ST6GAL1: variants seen among roughly 807,000 people sequenced by gnomAD.
ST6GAL1 encodes the protein ST6 beta-galactoside alpha-2,6-sialyltransferase 1.
Under a neutral mutation model 38.0 loss-of-function variants are expected in ST6GAL1, and 20 were observed. The observed-to-expected ratio is 0.53, with a 90% CI of 0.37 to 0.77. ST6GAL1 has a LOEUF of 0.77. Among genes scored for constraint, ST6GAL1 ranks in the 30% least tolerant of loss-of-function variants. ST6GAL1 has a pLI of 0.00. For synonymous variants in ST6GAL1, 196 were observed against 188.2 expected, an observed-to-expected ratio of 1.04 and a Z score of -0.34; for missense variants, 432 against 496.4, an observed-to-expected ratio of 0.87 and a Z score of 1.23.
chr3:186,945,882 T>C (rs111434408), intron 1 of ST6GAL1, among the ~76,000 whole-genome samples: 2 of 149,902 alleles, frequency 1.3e-5, no homozygotes, highest in Admixed American at 6.7e-5. Flanking sequence ...TCTCAGCTAC[T>C]TGGGAGGCTG....
chr3:186,958,783 C>G (rs1226849030), intron 1 of ST6GAL1, among the ~76,000 whole-genome samples: 1 of 151,992 alleles, frequency 6.6e-6, no homozygotes, highest in East Asian at 1.9e-4. Context: ...GAAACCCTGT[C>G]TCTACCAAAA....
rs758630493 is a variant in ST6GAL1, at chr3:187,043,282, G to A, written c.579G>A (p.Leu193=). 28 of 1,613,908 alleles carry A rather than the reference G, an allele frequency of 1.7e-5. No homozygotes were observed. The highest frequency in any genetic ancestry group is 3.3e-5 in the Admixed American group (2 of 60,000). ...RCAVVSSAGS[L]KSSQLGREID... ...CTGTTGTGTCGTCAGCGGGATCTCT[G>A]AAGTCCTCCCAACTAGGCAGAGAAA... Residue 193 remains leucine, a synonymous_variant, in exon 4 of 8, where the codon CTG becomes CTA. Coordinates refer to ENST00000169298, the MANE Select transcript of ST6GAL1 (RefSeq NM_173216.2).
chr3:187,062,030 A>G (rs944330100), intron 5 of ST6GAL1, among the ~76,000 whole-genome samples: 1 of 152,238 alleles, frequency 6.6e-6, no homozygotes, highest in Non-Finnish European at 1.5e-5. Context: ...ACAATAAAAA[A>G]AATCAAATTA....
chr3:186,933,496 C>T (rs544330503), intron 1 of ST6GAL1, among the ~76,000 whole-genome samples: 9 of 152,330 alleles, frequency 5.9e-5, no homozygotes, highest in African/African-American at 2.2e-4. Context: ...GACACACCTG[C>T]ATGGCCGAGC....
rs947793489 is a variant in ST6GAL1, at chr3:186,954,888, G to T, written c.-324-8897G>T. 9.9e-5 allele frequency among the ~76,000 whole-genome samples: 15 copies of T among 152,216 alleles called. 1 individual carries two copies. Among genetic ancestry groups the T allele is most frequent in the African/African-American group, 3.1e-4 (13 of 41,542 alleles). ...TGTTGTAATTGCTTTTGATGATTTT[G>T]TCCTGAAATCTTTGCCTGTGCTGAT... On this transcript the variant is annotated intron_variant, in intron 1 of 7. Transcript: ENST00000169298.
At chr3:186,996,471 AC>A (rs980928404) in intron 2 of ST6GAL1, 6 of 152,150 alleles carry the variant, frequency 3.9e-5, no homozygotes, top group African/African-American at 1.4e-4. Context: ...AAAAATAGGA[AC>A]AGCATACTGT....
In ST6GAL1 at chr3:187,057,965, A is replaced by G. The variant is rs563335571; in HGVS notation, c.705+6619A>G. ...TGGGCTCCACCTACTTCGAGCTTCC[A>G]GGGCTGCTTTGTTTACCTACTCAAG... On this transcript the variant is annotated intron_variant, in intron 5 of 7. Coordinates refer to ENST00000169298, the MANE Select transcript of ST6GAL1 (RefSeq NM_173216.2). Among the ~76,000 whole-genome samples the G allele has an allele frequency of 1.3e-4, 20 of 152,252 alleles. No homozygotes were observed. The East Asian group carries it at 3.5e-3, about 27-fold the overall frequency.
intron 5 of ST6GAL1, among the ~76,000 whole-genome samples, chr3:187,069,931 A>G (rs1391646999): frequency 1.3e-5 from 2 of 152,188 alleles, no homozygotes; most frequent in Admixed American, 6.5e-5. Context: ...GACATTCCAA[A>G]CTTAATATGG....
At chr3:187,055,121 T>C (rs1014918190) in intron 5 of ST6GAL1, among the ~76,000 whole-genome samples, 1 of 152,216 alleles carries the variant, frequency 6.6e-6, no homozygotes, top group Non-Finnish European at 1.5e-5. Context: ...GTAGTTTGTA[T>C]TTCTGTGGGA....
chr3:187,002,368 A>C (rs1485401280), intron 2 of ST6GAL1, among the ~76,000 whole-genome samples: 1 of 152,248 alleles, frequency 6.6e-6, no homozygotes, highest in Non-Finnish European at 1.5e-5. Flanking sequence ...ATAAGGTAAA[A>C]AACATATTCT....
At chr3:187,070,479 C>T (rs1288932660) in intron 5 of ST6GAL1, among the ~76,000 whole-genome samples, 1 of 141,078 alleles carries the variant, frequency 7.1e-6, no homozygotes, top group African/African-American at 2.7e-5. Context: ...GGCTGGAGTG[C>T]AGTGGTGCAA....
At chr3:187,055,084 T>C (rs569377097) in intron 5 of ST6GAL1, among the ~76,000 whole-genome samples, 2 of 152,332 alleles carry the variant, frequency 1.3e-5, no homozygotes, top group African/African-American at 2.4e-5. Context: ...TTTATTTGCA[T>C]AGAGGTGTTT....
intron 5 of ST6GAL1, among the ~76,000 whole-genome samples, chr3:187,066,567 GCA>G (rs1374294807): frequency 6.6e-6 from 1 of 151,370 alleles, no homozygotes; most frequent in African/African-American, 2.4e-5. Flanking sequence ...TCCAAAATAT[GCA>G]CAGTGGTAAT....
chr3:187,072,969 A>G (rs1441406998), intron 6 of ST6GAL1, 22 bp downstream of exon 6: 2 of 1,575,918 alleles, frequency 1.3e-6, no homozygotes, highest in Non-Finnish European at 1.7e-6. Context: ...TCCGTGGGAA[A>G]TAGGGGTTGA....
intron 2 of ST6GAL1, among the ~76,000 whole-genome samples, chr3:186,970,474 C>T (rs1470128045): frequency 2.6e-5 from 4 of 151,876 alleles, no homozygotes; most frequent in Admixed American, 6.6e-5. Flanking sequence ...CCGCCTGCCT[C>T]AGCCTCCCAA....
rs538397773 is a variant in ST6GAL1, at chr3:187,075,004, C to A, written c.980-558C>A. Among the ~76,000 whole-genome samples the A allele has an allele frequency of 2.2e-4, 34 of 152,292 alleles. No individual in the cohort carries two copies. The highest frequency in any genetic ancestry group is 7.7e-4 in the African/African-American group (32 of 41,562). ...GGGCCCCCTTCTTGGATTTTCTCTA[C>A]ATCTCATCATTCAGACTGTGGAGTG... On this transcript the variant is annotated intron_variant, in intron 7 of 7. Coordinates refer to ENST00000169298, the MANE Select transcript of ST6GAL1 (RefSeq NM_173216.2). The surrounding 1 kb of genome is among the most constrained non-coding windows in gnomAD (Gnocchi z 4.1).
chr3:187,076,818 A>C lies in ST6GAL1; in HGVS notation c.*1015A>C. 1 of 399,012 alleles carries C rather than the reference A, an allele frequency of 2.5e-6. No individual in the cohort carries two copies. Among genetic ancestry groups the C allele is most frequent in the Non-Finnish European group, 4.4e-6 (1 of 226,046 alleles). 24.7% of individuals were successfully genotyped at this position (399,012 alleles called of 1,614,324 possible). A position where few individuals can be genotyped will look rare whatever the true frequency, so the allele number is the denominator to read the frequency against. On this transcript the variant is annotated 3_prime_UTR_variant, in exon 8 of 8. Transcript: ENST00000169298. Reference sequence around the variant, plus strand: ...CCTCCTACCCATGTCTGAGGTAGCAAGTGCAGCCTCACGACAGATACCAGG... The same window carrying C: ...CCTCCTACCCATGTCTGAGGTAGCACGTGCAGCCTCACGACAGATACCAGG...
At chr3:187,068,670 G>T (rs1434936466) in intron 5 of ST6GAL1, among the ~76,000 whole-genome samples, 1 of 152,218 alleles carries the variant, frequency 6.6e-6, no homozygotes, top group Non-Finnish European at 1.5e-5. Flanking sequence ...AGGGAGCCAG[G>T]AGTTGCTGGC....
In ST6GAL1 at chr3:187,076,668, G is replaced by C. The variant is rs930517025; in HGVS notation, c.*865G>C. On this transcript the variant is annotated 3_prime_UTR_variant, in exon 8 of 8. Transcript: ENST00000169298. The stretch of plus-strand genomic sequence containing the variant: ...ACAGGGGGCATTCAGATGAGTCTTA[G>C]AGGAAGAGAAGAAACATGGCAAGCA... 2 of 396,612 alleles carry C rather than the reference G, an allele frequency of 5.0e-6. No individual in the cohort carries two copies. The highest frequency in any genetic ancestry group is 2.9e-4 in the South Asian group (2 of 7,010). 24.6% of individuals were successfully genotyped at this position (396,612 alleles called of 1,614,324 possible). A position where few individuals can be genotyped will look rare whatever the true frequency, so the allele number is the denominator to read the frequency against.
Sources: allele counts gnomAD v4.1 joint callset (sites outside exome capture counted in the v4.1 genomes callset), GRCh38; gene constraint gnomAD v4.1.1; non-coding constraint Gnocchi (gnomAD v3.1); transcripts MANE v1.5; gene names NCBI Gene and HGNC (gene_info 2026-07-23, HGNC 2026-07-21).